REEP3: variants seen among roughly 807,000 people sequenced by gnomAD.
The protein encoded by REEP3 is receptor accessory protein 3, also known as receptor expression-enhancing protein 3.
REEP3 carries 20 observed loss-of-function variants against 41.3 expected under a neutral mutation model. The observed-to-expected ratio is 0.48, with a 90% CI of 0.34 to 0.70. The LOEUF (loss-of-function observed/expected upper bound fraction) is 0.70. REEP3 is among the 30% of genes least tolerant of loss of function. The pLI is 0.01. For synonymous variants in REEP3, 104 were observed against 101.8 expected (o/e 1.02, Z -0.13); for missense variants, 271 against 308.8 (o/e 0.88, Z 0.92).
In REEP3 at chr10:63,622,296, C is replaced by G. The variant is rs921694516; in HGVS notation, c.*1427C>G. Reference sequence around the variant, plus strand: ...TTCAGGACTTCCTCAGAGTATTGGCCAAGAACATAATGTTTACACAGGAGT... The same window carrying G: ...TTCAGGACTTCCTCAGAGTATTGGCGAAGAACATAATGTTTACACAGGAGT... On this transcript the variant is annotated 3_prime_UTR_variant, in exon 8 of 8. Coordinates refer to ENST00000373758, the MANE Select transcript of REEP3 (RefSeq NM_001001330.3). 6.6e-6 allele frequency: 1 copy of G among 152,094 alleles called. No homozygotes were observed. The highest frequency in any genetic ancestry group is 2.4e-5 in the African/African-American group (1 of 41,430). 9.4% of individuals were successfully genotyped at this position (152,094 alleles called of 1,614,324 possible).
At chr10:63,522,103 T>C (rs1191875272) in intron 1 of REEP3, among the ~76,000 whole-genome samples, 3 of 152,054 alleles carry the variant, frequency 2.0e-5, no homozygotes, top group African/African-American at 4.8e-5. Context: ...TGGCGGCTGA[T>C]TGCCATTCGG....
chr10:63,584,439 A>AC (rs1481636373), intron 2 of REEP3, among the ~76,000 whole-genome samples: 1 of 151,434 alleles, frequency 6.6e-6, no homozygotes, highest in Non-Finnish European at 1.5e-5. Flanking sequence ...TTAAAAAAAA[A>AC]AAAAAAAAAA....
intron 2 of REEP3, among the ~76,000 whole-genome samples, chr10:63,569,286 A>G (rs138779372): frequency 9.5e-4 from 145 of 152,232 alleles, no homozygotes; most frequent in South Asian, 1.9e-3. Flanking sequence ...ATTAAATTAG[A>G]TCTTTTTTTG....
chr10:63,621,324 A>G lies in REEP3; in HGVS notation c.*455A>G, dbSNP rs1415691570. ...AGGACATAATGTAAGATAATAAAGT[A>G]GGTTTTATATATTCTTTAAATTTTT... On this transcript the variant is annotated 3_prime_UTR_variant, in exon 8 of 8. Coordinates refer to ENST00000373758, the MANE Select transcript of REEP3 (RefSeq NM_001001330.3). 6.6e-6 allele frequency: 1 copy of G among 152,658 alleles called. No individual in the cohort carries two copies. Among genetic ancestry groups the G allele is most frequent in the African/African-American group, 2.4e-5 (1 of 41,462 alleles). 9.5% of individuals were successfully genotyped at this position (152,658 alleles called of 1,614,324 possible).
At chr10:63,568,650 A>ATTTTTTTTT (rs10622553) in intron 2 of REEP3, among the ~76,000 whole-genome samples, 1 of 109,168 alleles carries the variant, frequency 9.2e-6, no homozygotes, top group African/African-American at 3.7e-5. Context: ...ACAACCCAGA[A>ATTTTTTTTT]TTTTTTTTTT....
intron 1 of REEP3, among the ~76,000 whole-genome samples, chr10:63,535,349 T>A (rs1017735708): frequency 1.3e-5 from 2 of 152,136 alleles, no homozygotes; most frequent in Non-Finnish European, 2.9e-5. Context: ...GATTGAAAGA[T>A]AAAAGGATAT....
chr10:63,521,641 G>T (rs995119069), intron 1 of REEP3, 64 bp downstream of exon 1: 4 of 1,222,946 alleles, frequency 3.3e-6, no homozygotes, highest in South Asian at 4.0e-5. Flanking sequence ...GGAAGGGGAA[G>T]GAGCCGAGAG....
intron 6 of REEP3, among the ~76,000 whole-genome samples, chr10:63,619,230 T>G (rs1453231180): frequency 6.6e-6 from 1 of 152,186 alleles, no homozygotes; most frequent in Non-Finnish European, 1.5e-5. Context: ...CGGAAAAGCC[T>G]TAATTCCTAA....
At chr10:63,600,970 TG>T (rs1366442915) in intron 5 of REEP3, among the ~76,000 whole-genome samples, 14 of 152,018 alleles carry the variant, frequency 9.2e-5, no homozygotes, top group African/African-American at 3.4e-4. Context: ...CTGGCCAACA[TG>T]GTGAAACCCC....
chr10:63,550,009 T>G (rs1955613517), intron 1 of REEP3, among the ~76,000 whole-genome samples: 1 of 152,180 alleles, frequency 6.6e-6, no homozygotes, highest in African/African-American at 2.4e-5. Flanking sequence ...GTGAAGTCTT[T>G]AAGTGAGGCA....
intron 2 of REEP3, among the ~76,000 whole-genome samples, chr10:63,584,430 T>TAAAA (rs71463528): frequency 0.02 from 2,585 of 129,118 alleles, 35 homozygotes; most frequent in Middle Eastern, 0.038. Context: ...CCCATCTTTT[T>TAAAA]AAAAAAAAAA....
At chr10:63,565,808 A>G (rs1318573531) in intron 1 of REEP3, among the ~76,000 whole-genome samples, 1 of 152,216 alleles carries the variant, frequency 6.6e-6, no homozygotes, top group Non-Finnish European at 1.5e-5. Flanking sequence ...GCAATGAGAT[A>G]AAAAGTTTTA....
intron 2 of REEP3, among the ~76,000 whole-genome samples, chr10:63,589,583 C>T (rs949942018): frequency 1.3e-5 from 2 of 152,092 alleles, no homozygotes; most frequent in Non-Finnish European, 2.9e-5. Context: ...AAGCCTTTTC[C>T]TCCCCTACCT....
intron 2 of REEP3, among the ~76,000 whole-genome samples, chr10:63,571,278 A>T (rs889436129): frequency 1.3e-5 from 2 of 152,236 alleles, no homozygotes; most frequent in African/African-American, 4.8e-5. Context: ...GAAACAAATT[A>T]TCACACTCTT....
chr10:63,590,955 T>C (rs963619059), intron 2 of REEP3, among the ~76,000 whole-genome samples: 1 of 152,236 alleles, frequency 6.6e-6, no homozygotes, highest in Non-Finnish European at 1.5e-5. Context: ...ATTTACATAT[T>C]TTAACAGCAA....
chr10:63,554,362 T>C (rs1467885552), intron 1 of REEP3, among the ~76,000 whole-genome samples: 1 of 152,074 alleles, frequency 6.6e-6, no homozygotes, highest in Non-Finnish European at 1.5e-5. Context: ...AATCAGAAAA[T>C]GGGTCTCAGA....
chr10:63,616,469 T>A (rs1956313191), intron 6 of REEP3, among the ~76,000 whole-genome samples: 1 of 152,218 alleles, frequency 6.6e-6, no homozygotes, highest in African/African-American at 2.4e-5. Flanking sequence ...AATAGAATTT[T>A]AAAAATACTT....
chr10:63,597,975 G>T (rs757364233), intron 3 of REEP3, 49 bp from the exon 4 acceptor site: 1 of 1,536,746 alleles, frequency 6.5e-7, no homozygotes, highest in Admixed American at 2.0e-5. Flanking sequence ...GATTTCTACA[G>T]TGGTTTGTTT....
intron 5 of REEP3, among the ~76,000 whole-genome samples, chr10:63,607,587 A>G (rs940584868): frequency 3.9e-5 from 6 of 152,234 alleles, no homozygotes; most frequent in African/African-American, 1.2e-4. Context: ...GCTGCCATCT[A>G]TGGAGAAGTC....
Sources: gnomAD v4.1 joint callset for allele counts (sites outside exome capture counted in the v4.1 genomes callset) on GRCh38, gnomAD v4.1.1 for gene constraint, MANE v1.5 for transcripts, NCBI Gene and HGNC (gene_info 2026-07-23, HGNC 2026-07-21) for gene names.